Variants in PDE6D observed in about 807,000 individuals in gnomAD.
PDE6D encodes the protein retinal rod rhodopsin-sensitive cGMP 3',5'-cyclic phosphodiesterase subunit delta.
A neutral mutation model predicts 21.9 loss-of-function variants in PDE6D; 10 were observed. The ratio of observed to expected loss-of-function variants is 0.46; its 90% CI spans 0.28 to 0.78. The LOEUF is 0.78. Ranked by LOEUF, PDE6D falls within the 30% of genes least tolerant of loss-of-function variation. PDE6D has a pLI of 0.12. For missense variants in PDE6D, 139 were observed against 184.8 expected (o/e 0.75, Z 1.44); for synonymous variants, 59 against 63.5 (o/e 0.93, Z 0.34).
intron 1 of PDE6D, among the ~76,000 whole-genome samples, chr2:231,746,308 A>AT (rs1420742497): frequency 4.0e-5 from 6 of 151,838 alleles, no homozygotes; most frequent in Admixed American, 6.6e-5. Flanking sequence ...TGTCCGGCTA[A>AT]TTTTTTGTAT....
At chr2:231,767,461 G>A (rs552580944) in intron 1 of PDE6D, among the ~76,000 whole-genome samples, 2 of 151,312 alleles carry the variant, frequency 1.3e-5, no homozygotes, top group East Asian at 2.0e-4. Flanking sequence ...GACTACAGGC[G>A]CCCGCCACCA....
chr2:231,771,907 A>G (rs1405574841), intron 1 of PDE6D, among the ~76,000 whole-genome samples: 1 of 152,268 alleles, frequency 6.6e-6, no homozygotes, highest in Non-Finnish European at 1.5e-5. Context: ...TAGATCATCT[A>G]CTGTAATACA....
At chr2:231,763,146 A>G (rs146340708) in intron 1 of PDE6D, among the ~76,000 whole-genome samples, 23 of 152,352 alleles carry the variant, frequency 1.5e-4, no homozygotes, top group African/African-American at 4.8e-4. Flanking sequence ...CTACATATTC[A>G]GCAAGATCAA....
chr2:231,772,528 G>A (rs2106286573), intron 1 of PDE6D, among the ~76,000 whole-genome samples: 1 of 152,326 alleles, frequency 6.6e-6, no homozygotes, highest in Non-Finnish European at 1.5e-5. Flanking sequence ...AGAATAGTCA[G>A]GCTGCTGGAG....
At chr2:231,750,293 AAACT>A (rs2048827739) in intron 1 of PDE6D, among the ~76,000 whole-genome samples, 1 of 152,190 alleles carries the variant, frequency 6.6e-6, no homozygotes, top group Non-Finnish European at 1.5e-5. Flanking sequence ...GTGTTAAAAC[AAACT>A]AATACAACCT....
chr2:231,739,354 C>T lies in PDE6D; in HGVS notation c.51-166G>A. 2 of 739,236 alleles carry T rather than the reference C, an allele frequency of 2.7e-6. No homozygotes were observed. The highest frequency in any genetic ancestry group is 5.0e-6 in the Non-Finnish European group (2 of 401,202). 45.8% of individuals were successfully genotyped at this position (739,236 alleles called of 1,614,324 possible). ...AAGAATGTGAGGAGAGTCAAAAAGA[C>T]ATCTAAAGGAAGAAGCAGAAACCTA... On this transcript the variant is annotated intron_variant, in intron 1 of 4. Coordinates refer to ENST00000287600, the MANE Select transcript of PDE6D (RefSeq NM_002601.4). This position sits in a 1 kb window ranked among gnomAD's most constrained non-coding sequence, Gnocchi z 4.2.
chr2:231,750,497 T>G (rs2048830417), intron 1 of PDE6D, among the ~76,000 whole-genome samples: 1 of 150,032 alleles, frequency 6.7e-6, no homozygotes, highest in Non-Finnish European at 1.5e-5. Flanking sequence ...TTTTTTTTTT[T>G]TTTTAGACAG....
chr2:231,747,110 A>G (rs2048800208), intron 1 of PDE6D, among the ~76,000 whole-genome samples: 2 of 152,118 alleles, frequency 1.3e-5, no homozygotes, highest in African/African-American at 4.8e-5. Flanking sequence ...TTCTTTTGAG[A>G]TGGAGTTTCG....
Position 231,738,032 on chromosome 2 carries a change from G to C in PDE6D, c.246C>G (p.Phe82Leu), listed in dbSNP as rs866963901. 2 of 1,614,084 alleles carry C rather than the reference G, an allele frequency of 1.2e-6. No individual in the cohort carries two copies. Among genetic ancestry groups the C allele is most frequent in the South Asian group, 1.1e-5 (1 of 91,062 alleles). ...GAATACCTTCTAGGCATTGCCCTTTGAAGTAAACTTTTTGTTCCAGGCGGA... is the reference window on the plus strand; with the variant it reads ...GAATACCTTCTAGGCATTGCCCTTTCAAGTAAACTTTTTGTTCCAGGCGGA... ...EKFRLEQKVY[F>L]KGQCLEEWFF... Residue 82 changes from phenylalanine to leucine, a missense_variant, in exon 3 of 5, where the codon TTC (phenylalanine) becomes TTG (leucine). By Grantham distance (22) the Phe-to-Leu change is conservative. Transcript: ENST00000287600.
intron 1 of PDE6D, among the ~76,000 whole-genome samples, chr2:231,769,534 A>T (rs951396207): frequency 1.3e-5 from 2 of 152,070 alleles, no homozygotes; most frequent in South Asian, 2.1e-4. Context: ...TCTCTCACAC[A>T]CACACACAGA....
At position 231,739,416 on chromosome 2, in the gene PDE6D, C is replaced by T; in HGVS notation, c.51-228G>A. The T allele has an allele frequency of 4.8e-6, 3 of 625,612 alleles. No homozygotes were observed. The highest frequency in any genetic ancestry group is 8.9e-6 in the Non-Finnish European group (3 of 335,908). The allele number at this position is 625,612 out of a possible 1,614,324, so 38.8% of individuals were successfully genotyped here. A position where few individuals can be genotyped will look rare whatever the true frequency, so the allele number is the denominator to read the frequency against. On this transcript the variant is annotated intron_variant, in intron 1 of 4. Transcript: ENST00000287600. This position sits in a 1 kb window ranked among gnomAD's most constrained non-coding sequence, Gnocchi z 4.2. ...TTTATCTATGAGAATCCTAAGACTGCACACACCTAGAGACTGCAAGAAAGG... is the reference window on the plus strand; with the variant it reads ...TTTATCTATGAGAATCCTAAGACTGTACACACCTAGAGACTGCAAGAAAGG...
intron 3 of PDE6D, chr2:231,737,704 T>C: frequency 2.9e-6 from 1 of 339,126 alleles, no homozygotes; most frequent in Non-Finnish European, 5.4e-6. Context: ...ATACTGTATG[T>C]AGAGCACTGT....
At chr2:231,778,804 A>G (rs1465207874) in intron 1 of PDE6D, 2 of 152,360 alleles carry the variant, frequency 1.3e-5, no homozygotes, top group East Asian at 3.9e-4. Flanking sequence ...CCAGAAGAAT[A>G]CCAATTAAAA....
chr2:231,744,493 G>A (rs2106265997), intron 1 of PDE6D, among the ~76,000 whole-genome samples: 1 of 151,424 alleles, frequency 6.6e-6, no homozygotes, highest in Non-Finnish European at 1.5e-5. Context: ...GGAGTGAATG[G>A]CACGATCTCG....
chr2:231,759,985 G>A (rs897430953), intron 1 of PDE6D, among the ~76,000 whole-genome samples: 1 of 152,114 alleles, frequency 6.6e-6, no homozygotes, highest in Non-Finnish European at 1.5e-5. Context: ...GAACAATAAG[G>A]TAAACATTTA....
chr2:231,747,154 G>A (rs536795251), intron 1 of PDE6D, among the ~76,000 whole-genome samples: 12 of 151,856 alleles, frequency 7.9e-5, no homozygotes, highest in Admixed American at 6.6e-5. Context: ...GCAGTGGTGC[G>A]ATCTCGGCTC....
intron 1 of PDE6D, among the ~76,000 whole-genome samples, chr2:231,751,890 C>A (rs1249157382): frequency 6.6e-6 from 1 of 152,164 alleles, no homozygotes; most frequent in Admixed American, 6.5e-5. Flanking sequence ...ACACTGTCCC[C>A]TTTGGAAGGG....
chr2:231,751,118 T>C (rs2048836441), intron 1 of PDE6D, among the ~76,000 whole-genome samples: 1 of 132,144 alleles, frequency 7.6e-6, no homozygotes, highest in African/African-American at 3.1e-5. Context: ...TATTCTATTC[T>C]AGTCTTTTTT....
chr2:231,743,117 G>C lies in PDE6D; in HGVS notation c.51-3929C>G, dbSNP rs142448869. ...TACCCTCTGGAGAGATTCTGTCTAG[G>C]TTTTGCTGCTATACGAGAAAAGTCT... On this transcript the variant is annotated intron_variant, in intron 1 of 4. Transcript: ENST00000287600. Among the ~76,000 whole-genome samples, 567 of 152,218 alleles carry C rather than the reference G, an allele frequency of 3.7e-3. 3 individuals carry two copies. Among genetic ancestry groups the C allele is most frequent in the Middle Eastern group, 0.017 (5 of 294 alleles).
Sources: allele counts gnomAD v4.1 joint callset (sites outside exome capture counted in the v4.1 genomes callset), GRCh38; gene constraint gnomAD v4.1.1; non-coding constraint Gnocchi (gnomAD v3.1); transcripts MANE v1.5; gene names NCBI Gene and HGNC (gene_info 2026-07-23, HGNC 2026-07-21).